Variants in SPRED1 observed in about 807,000 individuals in gnomAD.
SPRED1 encodes the protein sprouty related EVH1 domain containing 1, also known as sprouty-related, EVH1 domain-containing protein 1.
SPRED1 carries 18 observed loss-of-function variants against 52.3 expected under a neutral mutation model. That is an observed-to-expected ratio of 0.34 (90% confidence interval 0.24 to 0.51). The LOEUF (loss-of-function observed/expected upper bound fraction) is 0.51. Ranked by LOEUF, SPRED1 falls within the 20% of genes least tolerant of loss-of-function variation. The probability of loss-of-function intolerance (pLI) is 0.97; values close to 1 mark genes in which losing one functional copy is unlikely to be tolerated. For synonymous variants in SPRED1, 155 were observed against 179.7 expected, an observed-to-expected ratio of 0.86 and a Z score of 1.10; for missense variants, 485 against 551.0, an observed-to-expected ratio of 0.88 and a Z score of 1.20.
intron 3 of SPRED1, 31 bp from the exon 4 acceptor site, chr15:38,324,732 A>G (rs1270864033): frequency 6.4e-7 from 1 of 1,553,926 alleles, no homozygotes; most frequent in Non-Finnish European, 8.8e-7. Flanking sequence ...CAAAAATTCT[A>G]TACTTAATTA....
intron 1 of SPRED1, among the ~76,000 whole-genome samples, chr15:38,280,431 A>T (rs1321446428): frequency 6.6e-6 from 1 of 152,184 alleles, no homozygotes; most frequent in African/African-American, 2.4e-5. Context: ...TACACATTTG[A>T]AAAATACAGA....
chr15:38,304,723 G>A lies in SPRED1; in HGVS notation c.207+5176G>A, dbSNP rs769031807. ...TCAGCAGGCTACTTTCCTGGATCTCGTTGTTACCCAGAACTGTTCCATTTG... is the reference window on the plus strand; with the variant it reads ...TCAGCAGGCTACTTTCCTGGATCTCATTGTTACCCAGAACTGTTCCATTTG... On this transcript the variant is annotated intron_variant, in intron 2 of 6. Transcript: ENST00000299084. 3.9e-5 allele frequency among the ~76,000 whole-genome samples: 6 copies of A among 152,096 alleles called. No individual in the cohort carries two copies. In the South Asian group the frequency reaches 6.2e-4, roughly 16 times the overall value.
intron 2 of SPRED1, among the ~76,000 whole-genome samples, chr15:38,300,955 G>T (rs1895138328): frequency 6.6e-6 from 1 of 152,084 alleles, no homozygotes; most frequent in Admixed American, 6.6e-5. Flanking sequence ...GAGTAAAATG[G>T]TGAAAATCTA....
intron 4 of SPRED1, among the ~76,000 whole-genome samples, chr15:38,332,527 C>G (rs190845882): frequency 1.3e-5 from 2 of 152,108 alleles, no homozygotes; most frequent in African/African-American, 4.8e-5. Context: ...GAGCTGTGAT[C>G]GTGCCACTGC....
chr15:38,338,662 A>G (rs1281763045), intron 4 of SPRED1, among the ~76,000 whole-genome samples: 1 of 152,170 alleles, frequency 6.6e-6, no homozygotes, highest in Non-Finnish European at 1.5e-5. Flanking sequence ...GAGCATTTTC[A>G]GTTATTACCA....
intron 2 of SPRED1, among the ~76,000 whole-genome samples, chr15:38,317,861 C>T (rs2140991590): frequency 1.4e-5 from 2 of 146,978 alleles, no homozygotes; most frequent in East Asian, 2.0e-4. Context: ...TTGAAGTAGA[C>T]AGTTGGTATC....
At chr15:38,283,038 A>G (rs950394978) in intron 1 of SPRED1, among the ~76,000 whole-genome samples, 2 of 152,204 alleles carry the variant, frequency 1.3e-5, no homozygotes, top group African/African-American at 2.4e-5. Context: ...TCACACTGCT[A>G]TAAAGAATAC....
intron 1 of SPRED1, among the ~76,000 whole-genome samples, chr15:38,260,938 A>G (rs1237508190): frequency 3.9e-5 from 6 of 152,232 alleles, no homozygotes; most frequent in Admixed American, 6.5e-5. Flanking sequence ...AAAGAAGAGA[A>G]TAGAGGAGAC....
At chr15:38,339,500 A>G (rs2141007501) in intron 4 of SPRED1, among the ~76,000 whole-genome samples, 1 of 152,260 alleles carries the variant, frequency 6.6e-6, no homozygotes, top group South Asian at 2.1e-4. Context: ...TCTTCATGTT[A>G]TTTTTAATAA....
chr15:38,266,023 C>T (rs1894300721), intron 1 of SPRED1, among the ~76,000 whole-genome samples: 1 of 152,166 alleles, frequency 6.6e-6, no homozygotes, highest in Non-Finnish European at 1.5e-5. Context: ...GGTCTGTATG[C>T]TCATGTTTAG....
rs150080741 is a variant in SPRED1 at position 38,309,676 on chromosome 15, G to A, written c.207+10129G>A. On this transcript the variant is annotated intron_variant, in intron 2 of 6. Transcript: ENST00000299084. ...CCAAGAACTCTTTCCCTAGCCATAGGTCATGAAGATTTATCCTGTGTTTTT... is the reference window on the plus strand; with the variant it reads ...CCAAGAACTCTTTCCCTAGCCATAGATCATGAAGATTTATCCTGTGTTTTT... Among the ~76,000 whole-genome samples the A allele has an allele frequency of 1.9e-3, 286 of 152,274 alleles. 1 individual carries two copies. The highest frequency in any genetic ancestry group is 3.4e-3 in the Non-Finnish European group (228 of 68,030).
chr15:38,261,504 G>T (rs1395405974), intron 1 of SPRED1, among the ~76,000 whole-genome samples: 2 of 152,176 alleles, frequency 1.3e-5, no homozygotes, highest in Non-Finnish European at 2.9e-5. Context: ...CCTAATATCA[G>T]TTTAATAATT....
chr15:38,267,272 A>G (rs1422935484), intron 1 of SPRED1, among the ~76,000 whole-genome samples: 2 of 152,170 alleles, frequency 1.3e-5, no homozygotes, highest in Non-Finnish European at 2.9e-5. Flanking sequence ...GTTTTACCAA[A>G]AGTTTACCTA....
chr15:38,351,843 G>A lies in SPRED1; in HGVS notation c.*179G>A. On this transcript the variant is annotated 3_prime_UTR_variant, in exon 7 of 7. Transcript: ENST00000299084. ...ACGCCATGCCTAACTTTTCCCTTGA[G>A]TGCATGGCATGTTTTGTTACAGGTT... 2 of 709,588 alleles carry A rather than the reference G, an allele frequency of 2.8e-6. No homozygotes were observed. The highest frequency in any genetic ancestry group is 4.7e-6 in the Non-Finnish European group (2 of 428,100). The allele number at this position is 709,588 out of a possible 1,614,324, so 44.0% of individuals were successfully genotyped here. A position where few individuals can be genotyped will look rare whatever the true frequency, so the allele number is the denominator to read the frequency against.
chr15:38,301,915 A>G (rs1895156205), intron 2 of SPRED1, among the ~76,000 whole-genome samples: 1 of 150,226 alleles, frequency 6.7e-6, no homozygotes, highest in African/African-American at 2.5e-5. Flanking sequence ...TGAGTCTGTA[A>G]GTCTACAGGG....
intron 1 of SPRED1, among the ~76,000 whole-genome samples, chr15:38,264,203 A>G (rs1894258863): frequency 6.6e-6 from 1 of 152,220 alleles, no homozygotes; most frequent in Admixed American, 6.5e-5. Context: ...CAGATGAGAT[A>G]ACTGAGACTC....
intron 4 of SPRED1, among the ~76,000 whole-genome samples, chr15:38,334,092 G>C (rs1183847691): frequency 6.6e-6 from 1 of 151,994 alleles, no homozygotes; most frequent in African/African-American, 2.4e-5. Context: ...TTGGTACACA[G>C]AGGTCAAAAT....
At position 38,338,595 on chromosome 15, in the gene SPRED1, A is replaced by G. The variant is rs79680448; in HGVS notation, c.424-1142A>G. 1.4e-3 allele frequency among the ~76,000 whole-genome samples: 208 copies of G among 152,252 alleles called. 6 individuals are homozygous for G. In the East Asian group the frequency reaches 0.038, roughly 28 times the overall value. ...TTTAAGTGACAGTAGATTCTCAGAT[A>G]TATTTTTAATAGTTCAATTGCCTAC... On this transcript the variant is annotated intron_variant, in intron 4 of 6. Transcript: ENST00000299084.
At chr15:38,303,025 CA>C (rs1162585614) in intron 2 of SPRED1, among the ~76,000 whole-genome samples, 1 of 151,812 alleles carries the variant, frequency 6.6e-6, no homozygotes, top group East Asian at 2.0e-4. Flanking sequence ...ACAACAACAA[CA>C]AAAAATAATT....
Sources: allele counts gnomAD v4.1 joint callset (sites outside exome capture counted in the v4.1 genomes callset), GRCh38; gene constraint gnomAD v4.1.1; transcripts MANE v1.5; gene names NCBI Gene and HGNC (gene_info 2026-07-23, HGNC 2026-07-21).